Variants in RAPGEF5 observed in about 807,000 individuals in gnomAD.
RAPGEF5 encodes the protein Rap guanine nucleotide exchange factor 5.
RAPGEF5 carries 65 observed loss-of-function variants against 125.2 expected under a neutral mutation model. The observed-to-expected ratio is 0.52, with a 90% CI of 0.43 to 0.64. The LOEUF (loss-of-function observed/expected upper bound fraction) is 0.64. RAPGEF5 is among the 30% of genes least tolerant of loss of function. The pLI, the probability that RAPGEF5 is intolerant of heterozygous loss-of-function variation, is 0.00. For missense variants in RAPGEF5, 958 were observed against 1,048.1 expected, an observed-to-expected ratio of 0.91 and a Z score of 1.19; for synonymous variants, 391 against 385.9, an observed-to-expected ratio of 1.01 and a Z score of -0.16.
chr7:22,131,929 G>A (rs984927422), intron 23 of RAPGEF5, among the ~76,000 whole-genome samples: 2 of 152,056 alleles, frequency 1.3e-5, no homozygotes, highest in Admixed American at 6.6e-5. Flanking sequence ...AGCCATAATC[G>A]GATCAGAGGG....
chr7:22,247,820 G>T (rs1786517569), intron 7 of RAPGEF5, among the ~76,000 whole-genome samples: 1 of 152,018 alleles, frequency 6.6e-6, no homozygotes, highest in Non-Finnish European at 1.5e-5. Flanking sequence ...AATGTCCTTT[G>T]TAGCAATATG....
intron 11 of RAPGEF5, chr7:22,193,084 C>G: frequency 2.0e-6 from 1 of 503,094 alleles, no homozygotes; most frequent in Non-Finnish European, 3.5e-6. Flanking sequence ...CTCTTGCCAA[C>G]TGCCTTTAGG....
chr7:22,296,781 A>T (rs1783072161), intron 5 of RAPGEF5, among the ~76,000 whole-genome samples: 1 of 152,194 alleles, frequency 6.6e-6, no homozygotes, highest in African/African-American at 2.4e-5. Context: ...AATCAGGAAA[A>T]GGAAAGATTA....
chr7:22,288,115 C>T (rs191832794), intron 6 of RAPGEF5, among the ~76,000 whole-genome samples: 425 of 152,276 alleles, frequency 2.8e-3, no homozygotes, highest in Non-Finnish European at 4.7e-3. Flanking sequence ...CACTTTGCTG[C>T]CCATTCCTTC....
intron 7 of RAPGEF5, among the ~76,000 whole-genome samples, chr7:22,248,798 T>C (rs1199688017): frequency 6.6e-6 from 1 of 152,076 alleles, no homozygotes; most frequent in Non-Finnish European, 1.5e-5. Flanking sequence ...GCTAAAACAA[T>C]ACTAAAAATC....
intron 6 of RAPGEF5, among the ~76,000 whole-genome samples, chr7:22,273,509 C>T (rs545628899): frequency 2.0e-5 from 3 of 152,288 alleles, no homozygotes; most frequent in South Asian, 2.1e-4. Context: ...TGAGCCACCG[C>T]GCCCGGCCAG....
chr7:22,238,181 C>G (rs978087446), intron 7 of RAPGEF5, among the ~76,000 whole-genome samples: 1 of 152,078 alleles, frequency 6.6e-6, no homozygotes, highest in Non-Finnish European at 1.5e-5. Context: ...CTCTTTGTGC[C>G]AACATTTGTT....
At chr7:22,329,500 T>C (rs889448689) in intron 1 of RAPGEF5, among the ~76,000 whole-genome samples, 38 of 152,248 alleles carry the variant, frequency 2.5e-4, no homozygotes, top group Non-Finnish European at 5.1e-4. Context: ...AGACACATGA[T>C]GAAACATTAT....
chr7:22,159,646 C>A (rs1783920451), intron 14 of RAPGEF5, among the ~76,000 whole-genome samples: 1 of 152,162 alleles, frequency 6.6e-6, no homozygotes, highest in Non-Finnish European at 1.5e-5. Flanking sequence ...AGTAAGGGGA[C>A]TTAATGGTAA....
At chr7:22,174,023 T>C (rs1784431296) in intron 11 of RAPGEF5, among the ~76,000 whole-genome samples, 1 of 152,146 alleles carries the variant, frequency 6.6e-6, no homozygotes, top group African/African-American at 2.4e-5. Flanking sequence ...TCTCTAGGCC[T>C]TAGTTAAGTC....
chr7:22,325,597 GCT>G (rs1783799030), intron 1 of RAPGEF5, among the ~76,000 whole-genome samples: 1 of 152,122 alleles, frequency 6.6e-6, no homozygotes, highest in African/African-American at 2.4e-5. Context: ...ACAGGGTCTT[GCT>G]CTGTCTCCCA....
At chr7:22,345,889 T>C (rs1280881604) in intron 1 of RAPGEF5, among the ~76,000 whole-genome samples, 1 of 152,186 alleles carries the variant, frequency 6.6e-6, no homozygotes, top group African/African-American at 2.4e-5. Flanking sequence ...CCATTTAATC[T>C]TCTAGAAACA....
intron 9 of RAPGEF5, among the ~76,000 whole-genome samples, chr7:22,199,507 T>C (rs1269978708): frequency 1.4e-5 from 2 of 140,494 alleles, no homozygotes; most frequent in Non-Finnish European, 3.0e-5. Context: ...TAATTTTATG[T>C]TATGTAAGTT....
At chr7:22,136,185 T>A in intron 22 of RAPGEF5, 60 bp from the exon 23 acceptor site, 1 of 1,243,192 alleles carries the variant, frequency 8.0e-7, no homozygotes, top group Non-Finnish European at 1.1e-6. Context: ...GAAACAATTC[T>A]AAATCCACCT....
At position 22,132,874 on chromosome 7, in the gene RAPGEF5, C is replaced by T. The variant is rs370698589; in HGVS notation, c.2417-1773G>A. ...AGGTAAGGCTATGAAGAAACTAAGGCCCCAAGGACGTCTATGGCTAACCCA... is the reference window on the plus strand; with the variant it reads ...AGGTAAGGCTATGAAGAAACTAAGGTCCCAAGGACGTCTATGGCTAACCCA... On this transcript the variant is annotated intron_variant, in intron 23 of 25. Transcript: ENST00000665637. Among the ~76,000 whole-genome samples, 23 of 152,230 alleles carry T rather than the reference C, an allele frequency of 1.5e-4. 1 individual carries two copies. Among genetic ancestry groups the T allele is most frequent in the Middle Eastern group, 6.8e-3 (2 of 294 alleles).
intron 11 of RAPGEF5, among the ~76,000 whole-genome samples, chr7:22,176,582 G>A (rs1377033619): frequency 6.6e-6 from 1 of 152,220 alleles, no homozygotes; most frequent in African/African-American, 2.4e-5. Flanking sequence ...TGGATGGAGT[G>A]CAGTGGTGTG....
At chr7:22,267,903 G>A (rs1782322905) in intron 6 of RAPGEF5, among the ~76,000 whole-genome samples, 1 of 151,758 alleles carries the variant, frequency 6.6e-6, no homozygotes. Context: ...TCAGGCAGCA[G>A]AATATATTGC....
Position 22,242,587 on chromosome 7 carries a change from G to C in RAPGEF5, c.797-11668C>G, listed in dbSNP as rs115620029. On this transcript the variant is annotated intron_variant, in intron 7 of 25. Coordinates refer to ENST00000665637, the MANE Select transcript of RAPGEF5 (RefSeq NM_012294.5). ...ACAATCCCTGCATGCCAGGGAATGA[G>C]CGATCCAAAAGTGGGGACTGAAACC... is the stretch of plus-strand genomic sequence containing the variant. Among the ~76,000 whole-genome samples the C allele has an allele frequency of 5.1e-3, 778 of 152,276 alleles. 8 individuals are homozygous for C. The highest frequency in any genetic ancestry group is 0.018 in the African/African-American group (744 of 41,564).
intron 6 of RAPGEF5, among the ~76,000 whole-genome samples, chr7:22,288,531 T>C (rs1206341446): frequency 1.3e-5 from 2 of 151,682 alleles, no homozygotes; most frequent in Non-Finnish European, 1.5e-5. Flanking sequence ...CTTTTCTTTT[T>C]TTTTTTTTTG....
Sources: allele counts gnomAD v4.1 joint callset (sites outside exome capture counted in the v4.1 genomes callset), GRCh38; gene constraint gnomAD v4.1.1; transcripts MANE v1.5; gene names NCBI Gene and HGNC (gene_info 2026-07-23, HGNC 2026-07-21).